Variants in COP1 observed in about 807,000 individuals in gnomAD.
COP1 encodes the protein COP1 E3 ubiquitin ligase.
Under a neutral mutation model 101.3 loss-of-function variants are expected in COP1, and 24 were observed. The ratio of observed to expected loss-of-function variants is 0.24; its 90% confidence interval spans 0.17 to 0.33. COP1 has a LOEUF of 0.33. Ranked by LOEUF, COP1 falls within the 10% of genes least tolerant of loss-of-function variation. COP1 has a pLI of 1.00. For missense variants in COP1, 663 were observed against 906.2 expected (o/e 0.73, Z 3.45); for synonymous variants, 347 against 341.9 (o/e 1.01, Z -0.17).
chr1:176,177,012 G>A (rs559284875), intron 2 of COP1, among the ~76,000 whole-genome samples: 2 of 152,164 alleles, frequency 1.3e-5, no homozygotes, highest in East Asian at 3.9e-4. Context: ...TATATATTTA[G>A]AAGGGTGTTT....
intron 3 of COP1, 29 bp downstream of exon 3, chr1:176,175,881 T>G: frequency 7.7e-7 from 1 of 1,293,990 alleles, no homozygotes; most frequent in African/African-American, 1.5e-5. Flanking sequence ...CGAAATATTT[T>G]TAAAATAAAA....
At chr1:176,127,389 T>C (rs1688173649) in intron 8 of COP1, among the ~76,000 whole-genome samples, 1 of 152,146 alleles carries the variant, frequency 6.6e-6, no homozygotes, top group Admixed American at 6.6e-5. Context: ...CACCATACTA[T>C]GCTCTACTTG....
intron 11 of COP1, among the ~76,000 whole-genome samples, chr1:176,070,150 T>C (rs1676707209): frequency 6.6e-6 from 1 of 152,114 alleles, no homozygotes; most frequent in Admixed American, 6.5e-5. Context: ...ACCCATATTT[T>C]CCCTGCCCAG....
intron 9 of COP1, among the ~76,000 whole-genome samples, chr1:176,086,227 C>CTT (rs11428035): frequency 0.012 from 1,576 of 135,012 alleles, 24 homozygotes; most frequent in Middle Eastern, 0.016. Context: ...GGGAATCTTT[C>CTT]TTTTTTTTTT....
intron 11 of COP1, among the ~76,000 whole-genome samples, chr1:176,063,218 C>T (rs1675291615): frequency 6.6e-6 from 1 of 151,702 alleles, no homozygotes; most frequent in African/African-American, 2.4e-5. Context: ...CGCCACCGCG[C>T]CTGGCTAATT....
intron 8 of COP1, among the ~76,000 whole-genome samples, chr1:176,126,058 G>C (rs1053063611): frequency 2.0e-5 from 3 of 152,064 alleles, no homozygotes; most frequent in Non-Finnish European, 4.4e-5. Flanking sequence ...TTTTTTGTAT[G>C]TTGACTTTGT....
In COP1 at chr1:176,056,979, C is replaced by T. The variant is rs147801131; in HGVS notation, c.1278-10655G>A. ...CTTCCAATCCTACTCATCATATTCA[C>T]TGTCTCACAATCTACGTTATACCTC... On this transcript the variant is annotated intron_variant, in intron 11 of 19. Transcript: ENST00000367669. 2.6e-3 allele frequency among the ~76,000 whole-genome samples: 400 copies of T among 152,318 alleles called. 3 individuals are homozygous for T. The highest frequency in any genetic ancestry group is 9.2e-3 in the African/African-American group (382 of 41,574).
intron 18 of COP1, among the ~76,000 whole-genome samples, chr1:175,968,176 G>T (rs1429231739): frequency 6.6e-6 from 1 of 152,152 alleles, no homozygotes; most frequent in Non-Finnish European, 1.5e-5. Flanking sequence ...GGCAAGAGAA[G>T]AATAATATTT....
At chr1:176,016,605 C>T (rs1326401497) in intron 15 of COP1, among the ~76,000 whole-genome samples, 3 of 152,140 alleles carry the variant, frequency 2.0e-5, no homozygotes, top group Non-Finnish European at 2.9e-5. Flanking sequence ...GGGGAAACTG[C>T]ACATTTAAAA....
intron 11 of COP1, among the ~76,000 whole-genome samples, chr1:176,055,909 A>G (rs1673392817): frequency 1.3e-5 from 2 of 151,734 alleles, no homozygotes; most frequent in African/African-American, 2.4e-5. Flanking sequence ...AAATTGTTTT[A>G]TATCATCTTA....
chr1:176,053,630 C>G (rs1672948477), intron 11 of COP1, among the ~76,000 whole-genome samples: 1 of 152,048 alleles, frequency 6.6e-6, no homozygotes, highest in African/African-American at 2.4e-5. Context: ...AATAACTTCA[C>G]TCCCTCCTTC....
chr1:175,963,538 T>C (rs539227108), intron 18 of COP1, among the ~76,000 whole-genome samples: 1 of 152,274 alleles, frequency 6.6e-6, no homozygotes, highest in East Asian at 1.9e-4. Context: ...CAATTTCACT[T>C]TTAAAGGAAC....
intron 2 of COP1, among the ~76,000 whole-genome samples, chr1:176,182,771 A>G (rs1325675654): frequency 1.3e-5 from 2 of 152,264 alleles, no homozygotes; most frequent in Non-Finnish European, 2.9e-5. Flanking sequence ...GCCCTGAAGC[A>G]AGACCCACAT....
intron 18 of COP1, among the ~76,000 whole-genome samples, chr1:175,977,933 C>T (rs1654959374): frequency 6.6e-6 from 1 of 152,016 alleles, no homozygotes. Context: ...TATTCACTTT[C>T]CTTCTTTCTA....
intron 15 of COP1, among the ~76,000 whole-genome samples, chr1:176,010,471 A>C (rs1664464620): frequency 6.6e-6 from 1 of 152,218 alleles, no homozygotes; most frequent in African/African-American, 2.4e-5. Context: ...TAATATTGTT[A>C]TATTTGAAGC....
At chr1:175,957,781 G>A (rs951141237) in intron 18 of COP1, among the ~76,000 whole-genome samples, 1 of 152,058 alleles carries the variant, frequency 6.6e-6, no homozygotes, top group Non-Finnish European at 1.5e-5. Flanking sequence ...GGAAACAAGG[G>A]CAATATTAAA....
intron 11 of COP1, among the ~76,000 whole-genome samples, chr1:176,075,640 A>C (rs959534741): frequency 2.0e-5 from 3 of 152,142 alleles, no homozygotes; most frequent in African/African-American, 7.2e-5. Flanking sequence ...TACACACCCA[A>C]CACTGGAGCA....
chr1:176,025,660 T>C (rs957811583), intron 15 of COP1, among the ~76,000 whole-genome samples: 3 of 151,864 alleles, frequency 2.0e-5, no homozygotes, highest in Admixed American at 6.6e-5. Context: ...GAAGCTGAGG[T>C]AGGCAGACTG....
At chr1:176,026,444 A>C (rs1376173152) in intron 15 of COP1, among the ~76,000 whole-genome samples, 2 of 152,120 alleles carry the variant, frequency 1.3e-5, no homozygotes, top group Non-Finnish European at 1.5e-5. Context: ...ACAGATAAAA[A>C]ACTTGGGAGA....
Sources: gnomAD v4.1 joint callset for allele counts (sites outside exome capture counted in the v4.1 genomes callset) on GRCh38, gnomAD v4.1.1 for gene constraint, MANE v1.5 for transcripts, NCBI Gene and HGNC (gene_info 2026-07-23, HGNC 2026-07-21) for gene names.